Variants in SHISA7 observed in about 807,000 individuals in gnomAD.
SHISA7 encodes the protein shisa family member 7.
A neutral mutation model predicts 23.9 loss-of-function variants in SHISA7; 6 were observed. The ratio of observed to expected loss-of-function variants is 0.25; its 90% CI spans 0.14 to 0.50. The LOEUF is 0.50. Among genes scored for constraint, SHISA7 ranks in the 20% least tolerant of loss-of-function variants. The probability of loss-of-function intolerance (pLI) is 0.98; values close to 1 mark genes in which losing one functional copy is unlikely to be tolerated. For synonymous variants in SHISA7, 386 were observed against 398.3 expected (o/e 0.97, Z 0.37); for missense variants, 671 against 801.1 (o/e 0.84, Z 1.96).
chr19:55,436,376 G>A (rs1373133110), intron 3 of SHISA7, among the ~76,000 whole-genome samples: 2 of 151,506 alleles, frequency 1.3e-5, no homozygotes, highest in Non-Finnish European at 2.9e-5. Context: ...AGGCCGATGT[G>A]GGTGGATCAC....
Position 55,437,596 on chromosome 19 carries a change from A to G in SHISA7, c.976+9T>C, listed in dbSNP as rs1985495244. 1.3e-6 allele frequency: 2 copies of G among 1,549,720 alleles called. No homozygotes were observed. Among genetic ancestry groups the G allele is most frequent in the Non-Finnish European group, 1.7e-6 (2 of 1,145,944 alleles). On this transcript the variant is annotated intron_variant, in intron 3 of 3. Coordinates refer to ENST00000376325, the MANE Select transcript of SHISA7 (RefSeq NM_001145176.2). The stretch of plus-strand genomic sequence containing the variant: ...CCTTCACCGCCGCGCTGCCCTTGCC[A>G]GGACTCACCCAGCCTCTTGAGGGAA...
In SHISA7 at chr19:55,433,077, A is replaced by G; in HGVS notation, c.*79T>C. On this transcript the variant is annotated 3_prime_UTR_variant, in exon 4 of 4. Transcript: ENST00000376325. The surrounding 1 kb of genome is among the most constrained non-coding windows in gnomAD (Gnocchi z 8.4). The stretch of plus-strand genomic sequence containing the variant: ...CCGATCTGGGCCCCAGGCCCCTGGC[A>G]TGTGTGCGCCTGTGTCGGGGGATCC... The G allele has an allele frequency of 7.0e-7, 1 of 1,422,334 alleles. No homozygotes were observed. Among genetic ancestry groups the G allele is most frequent in the Non-Finnish European group, 9.2e-7 (1 of 1,092,540 alleles). The allele number at this position is 1,422,334 out of a possible 1,614,324, so 88.1% of individuals were successfully genotyped here. A position where few individuals can be genotyped will look rare whatever the true frequency, so the allele number is the denominator to read the frequency against.
chr19:55,435,080 GGT>G (rs151041091), intron 3 of SHISA7, among the ~76,000 whole-genome samples: 6 of 80,862 alleles, frequency 7.4e-5, no homozygotes, highest in South Asian at 5.2e-4. Context: ...TGGTGTGTGT[GGT>G]GTGTGTGGTG....
At position 55,442,866 on chromosome 19, in the gene SHISA7, G is replaced by A; in HGVS notation, c.-3C>T. 2 of 1,365,432 alleles carry A rather than the reference G, an allele frequency of 1.5e-6. No homozygotes were observed. Among genetic ancestry groups the A allele is most frequent in the Non-Finnish European group, 1.9e-6 (2 of 1,062,566 alleles). The allele number at this position is 1,365,432 out of a possible 1,614,324, so 84.6% of individuals were successfully genotyped here. A position where few individuals can be genotyped will look rare whatever the true frequency, so the allele number is the denominator to read the frequency against. On this transcript the variant is annotated 5_prime_UTR_variant, in exon 1 of 4. Coordinates refer to ENST00000376325, the MANE Select transcript of SHISA7 (RefSeq NM_001145176.2). ...ACGAGGAGCAGGAGGGCCGGCATGG[G>A]GCTTGCAGGGGGTCGCACTGGGCCG...
In SHISA7 at chr19:55,433,372, C is replaced by T; in HGVS notation, c.1401G>A (p.Gly467=). 2 of 1,347,992 alleles carry T rather than the reference C, an allele frequency of 1.5e-6. No homozygotes were observed. Among genetic ancestry groups the T allele is most frequent in the Non-Finnish European group, 1.9e-6 (2 of 1,059,100 alleles). The allele number at this position is 1,347,992 out of a possible 1,614,324, so 83.5% of individuals were successfully genotyped here. A position where few individuals can be genotyped will look rare whatever the true frequency, so the allele number is the denominator to read the frequency against. The change falls in exon 4 of 4, where the codon GGG becomes GGA. Residue 467 remains glycine (G), a synonymous_variant. Coordinates refer to ENST00000376325, the MANE Select transcript of SHISA7 (RefSeq NM_001145176.2). This position sits in a 1 kb window ranked among gnomAD's most constrained non-coding sequence, Gnocchi z 8.4. Reference sequence around the variant, plus strand: ...CGTGCAGGCTGGACGGTGGCGGCAGCCCGCGCAGCGGTGTTGGGGGCCCCC... The same window carrying T: ...CGTGCAGGCTGGACGGTGGCGGCAGTCCGCGCAGCGGTGTTGGGGGCCCCC... ...GPGGPPTPLR[G]LPPPSSLHAH...
rs892159768 is a variant in SHISA7, at chr19:55,432,949, G to A, written c.*207C>T. 7 of 604,046 alleles carry A rather than the reference G, an allele frequency of 1.2e-5. No individual in the cohort carries two copies. The highest frequency in any genetic ancestry group is 1.9e-5 in the Non-Finnish European group (7 of 370,942). 37.4% of individuals were successfully genotyped at this position (604,046 alleles called of 1,614,324 possible). A position where few individuals can be genotyped will look rare whatever the true frequency, so the allele number is the denominator to read the frequency against. ...ATGAGCCGGCCTCTTCCTCTGGGAT[G>A]ACATCATGGGAAGGAGGCCTTGGCT... On this transcript the variant is annotated 3_prime_UTR_variant, in exon 4 of 4. Coordinates refer to ENST00000376325, the MANE Select transcript of SHISA7 (RefSeq NM_001145176.2). This position sits in a 1 kb window ranked among gnomAD's most constrained non-coding sequence, Gnocchi z 4.6.
Position 55,430,252 on chromosome 19 carries a change from G to C in SHISA7, c.*2904C>G, listed in dbSNP as rs1342604751. Reference sequence around the variant, plus strand: ...CAGGAGTGAGGCAGTGACATAAGGAGGGCCAGAGTAGGGGTGAAGTCTTCA... The same window carrying C: ...CAGGAGTGAGGCAGTGACATAAGGACGGCCAGAGTAGGGGTGAAGTCTTCA... On this transcript the variant is annotated 3_prime_UTR_variant, in exon 4 of 4. Transcript: ENST00000376325. The C allele has an allele frequency of 2.0e-5, 3 of 152,262 alleles. No individual in the cohort carries two copies. The highest frequency in any genetic ancestry group is 7.2e-5 in the African/African-American group (3 of 41,414). The allele number at this position is 152,262 out of a possible 1,614,324, so 9.4% of individuals were successfully genotyped here. A position where few individuals can be genotyped will look rare whatever the true frequency, so the allele number is the denominator to read the frequency against.
chr19:55,442,075 C>T (rs1985609575), intron 1 of SHISA7, 118 bp downstream of exon 1: 3 of 1,079,738 alleles, frequency 2.8e-6, no homozygotes, highest in South Asian at 1.7e-5. Context: ...CGGCGGCCGC[C>T]ACCTGGGTCT....
At chr19:55,434,002 C>T (rs1481645866) in intron 3 of SHISA7, among the ~76,000 whole-genome samples, 2 of 151,924 alleles carry the variant, frequency 1.3e-5, no homozygotes, top group African/African-American at 2.4e-5. Flanking sequence ...CCTCTTCTTC[C>T]CCCCCGCGCC....
chr19:55,435,648 C>T (rs1985442784), intron 3 of SHISA7, among the ~76,000 whole-genome samples: 1 of 148,004 alleles, frequency 6.8e-6, no homozygotes, highest in Admixed American at 6.7e-5. Flanking sequence ...CTTATAGTCC[C>T]AGTTACTCGG....
chr19:55,434,004 C>G (rs1009695714), intron 3 of SHISA7, among the ~76,000 whole-genome samples: 3 of 152,062 alleles, frequency 2.0e-5, no homozygotes. Flanking sequence ...TCTTCTTCCC[C>G]CCCGCGCCGC....
In SHISA7 at chr19:55,433,419, A is replaced by T; in HGVS notation, c.1354T>A (p.Ser452Thr). The T allele has an allele frequency of 7.5e-7, 1 of 1,324,918 alleles. No homozygotes were observed. The highest frequency in any genetic ancestry group is 9.6e-7 in the Non-Finnish European group (1 of 1,045,878). The allele number at this position is 1,324,918 out of a possible 1,614,324, so 82.1% of individuals were successfully genotyped here. The change falls in exon 4 of 4, where the codon TCC becomes ACC. Residue 452 changes from serine (S) to threonine (T), a missense_variant. By Grantham distance (58) the Ser-to-Thr change is moderately conservative. Coordinates refer to ENST00000376325, the MANE Select transcript of SHISA7 (RefSeq NM_001145176.2). This position sits in a 1 kb window ranked among gnomAD's most constrained non-coding sequence, Gnocchi z 8.4. ...CCCCCGGGCCCCAGCAGCAGGTTGG[A>T]GTGCGAGGCGGCCAGGCTGGCCCGG... ...TARASLAASH[S>T]NLLLGPGGPP...
At chr19:55,438,661 C>T (rs187589554) in intron 2 of SHISA7, 2 of 1,299,898 alleles carry the variant, frequency 1.5e-6, no homozygotes, top group East Asian at 5.6e-5. Context: ...ATGTCACTGC[C>T]ATCACTGACT....
chr19:55,433,380 G>T lies in SHISA7; in HGVS notation c.1393C>A (p.Leu465Met). ...CTGGACGGTGGCGGCAGCCCGCGCAGCGGTGTTGGGGGCCCCCCGGGCCCC... is the reference window on the plus strand; with the variant it reads ...CTGGACGGTGGCGGCAGCCCGCGCATCGGTGTTGGGGGCCCCCCGGGCCCC... ...LLGPGGPPTP[L>M]RGLPPPSSLH... The change falls in exon 4 of 4, where the codon CTG (leucine) becomes ATG (methionine). Residue 465 changes from leucine (L) to methionine (M), a missense_variant. Transcript: ENST00000376325. This position sits in a 1 kb window ranked among gnomAD's most constrained non-coding sequence, Gnocchi z 8.4. 1 of 1,344,492 alleles carries T rather than the reference G, an allele frequency of 7.4e-7. No individual in the cohort carries two copies. Among genetic ancestry groups the T allele is most frequent in the Non-Finnish European group, 9.5e-7 (1 of 1,057,246 alleles). The allele number at this position is 1,344,492 out of a possible 1,614,324, so 83.3% of individuals were successfully genotyped here. A position where few individuals can be genotyped will look rare whatever the true frequency, so the allele number is the denominator to read the frequency against.
chr19:55,433,838 C>G lies in SHISA7; in HGVS notation c.977-42G>C, dbSNP rs778964312. On this transcript the variant is annotated intron_variant, in intron 3 of 3. Transcript: ENST00000376325. The surrounding 1 kb of genome is among the most constrained non-coding windows in gnomAD (Gnocchi z 8.4). ...AAAAGCCACAGCCGTGGGTCCCCTG[C>G]GCATCTAGAGCCCTCCCCCTCCCAC... is the stretch of plus-strand genomic sequence containing the variant. 1 of 1,363,796 alleles carries G rather than the reference C, an allele frequency of 7.3e-7. No homozygotes were observed. Among genetic ancestry groups the G allele is most frequent in the African/African-American group, 1.5e-5 (1 of 65,184 alleles). 84.5% of individuals were successfully genotyped at this position (1,363,796 alleles called of 1,614,324 possible).
Position 55,433,738 on chromosome 19 carries a change from G to T in SHISA7, c.1035C>A (p.Gly345=), listed in dbSNP as rs1469086830. The change falls in exon 4 of 4, where the codon GGC becomes GGA. Residue 345 remains glycine, a synonymous_variant. Transcript: ENST00000376325. This position sits in a 1 kb window ranked among gnomAD's most constrained non-coding sequence, Gnocchi z 8.4. ...GCCGCAGCGCGTGCAGGGGCAGCGT[G>T]CCGCGGGGCAATTCCAGGGGCCGGC... is the stretch of plus-strand genomic sequence containing the variant. ...LKRRPLELPR[G]TLPLHALRRP... 35 of 1,465,008 alleles carry T rather than the reference G, an allele frequency of 2.4e-5. No homozygotes were observed. Among genetic ancestry groups the T allele is most frequent in the Non-Finnish European group, 3.1e-5 (35 of 1,117,222 alleles). 90.8% of individuals were successfully genotyped at this position (1,465,008 alleles called of 1,614,324 possible). A position where few individuals can be genotyped will look rare whatever the true frequency, so the allele number is the denominator to read the frequency against.
At position 55,429,479 on chromosome 19, in the gene SHISA7, T is replaced by A. The variant is rs1985116559; in HGVS notation, c.*3677A>T. 6.6e-6 allele frequency: 1 copy of A among 152,090 alleles called. No individual in the cohort carries two copies. The highest frequency in any genetic ancestry group is 6.6e-5 in the Admixed American group (1 of 15,232). 9.4% of individuals were successfully genotyped at this position (152,090 alleles called of 1,614,324 possible). On this transcript the variant is annotated 3_prime_UTR_variant, in exon 4 of 4. Transcript: ENST00000376325. ...TGAAAAACTGGCACCAGGGCCCAGG[T>A]GGATTTGGGTAACCCCCATTTCCTC... is the stretch of plus-strand genomic sequence containing the variant.
rs1308518928 is a variant in SHISA7, at chr19:55,442,802, G to C, written c.62C>G (p.Pro21Arg). 4.6e-6 allele frequency: 6 copies of C among 1,310,870 alleles called. No individual in the cohort carries two copies. The highest frequency in any genetic ancestry group is 4.9e-6 in the Non-Finnish European group (5 of 1,030,548). 81.2% of individuals were successfully genotyped at this position (1,310,870 alleles called of 1,614,324 possible). The change falls in exon 1 of 4, where the codon CCG becomes CGG. Residue 21 changes from proline (P) to arginine (R), a missense_variant. Pro to Arg is a moderately radical substitution (Grantham distance 103). Around this residue, in one of 5 missense-constraint regions of SHISA7, gnomAD observed 96 missense variants for 113.1 expected, o/e 0.85. Transcript: ENST00000376325. ...ASSAGQARAR[P>R]SNATSAEPAG... ...GGGCTCGGCGCTCGTGGCGTTGGACGGGCGCGCCCTGGCCTGGCCGGCGCT... is the reference window on the plus strand; with the variant it reads ...GGGCTCGGCGCTCGTGGCGTTGGACCGGCGCGCCCTGGCCTGGCCGGCGCT...
chr19:55,440,656 T>G lies in SHISA7; in HGVS notation c.781A>C (p.Arg261=), dbSNP rs78953711. ...GIGGPDSMPP[R]TPKNLYNTVK... is the part of the protein sequence containing the mutation. ...GTGTTGTAGAGGTTCTTGGGCGTCC[T>G]GGGGGGCATGCTGTCGGGACCGCCG... Residue 261 remains arginine (R), a synonymous_variant, in exon 2 of 4, where the codon AGG becomes CGG. Coordinates refer to ENST00000376325, the MANE Select transcript of SHISA7 (RefSeq NM_001145176.2). 3,858 of 1,249,520 alleles carry G rather than the reference T, an allele frequency of 3.1e-3. 47 individuals are homozygous for G. In the African/African-American group the frequency reaches 0.031, roughly 10 times the overall value. The allele number at this position is 1,249,520 out of a possible 1,614,324, so 77.4% of individuals were successfully genotyped here.
Sources: allele counts gnomAD v4.1 joint callset (sites outside exome capture counted in the v4.1 genomes callset), GRCh38; gene constraint gnomAD v4.1.1; regional missense constraint gnomAD v4.1.1; non-coding constraint Gnocchi (gnomAD v3.1); transcripts MANE v1.5; gene names NCBI Gene and HGNC (gene_info 2026-07-23, HGNC 2026-07-21).